Variants in ENPP3 observed in about 807,000 individuals in gnomAD.
The protein encoded by ENPP3 is ectonucleotide pyrophosphatase/phosphodiesterase family member 3.
In ENPP3, 104 loss-of-function variants were observed where a neutral mutation model predicts 117.8. The observed-to-expected ratio is 0.88, with a 90% CI of 0.75 to 1.04. The LOEUF (loss-of-function observed/expected upper bound fraction) is 1.04, where lower values mean the gene tolerates loss of function less well. ENPP3 is among the 50% of genes least tolerant of loss of function. The probability of loss-of-function intolerance (pLI) is 0.00; values close to 1 mark genes in which losing one functional copy is unlikely to be tolerated. For synonymous variants in ENPP3, 380 were observed against 349.9 expected, an observed-to-expected ratio of 1.09 and a Z score of -0.96; for missense variants, 1,026 against 1,051.9, an observed-to-expected ratio of 0.98 and a Z score of 0.34.
chr6:131,737,218 A>G, intron 21 of ENPP3, 137 bp from the exon 22 acceptor site: 1 of 575,320 alleles, frequency 1.7e-6, no homozygotes, highest in Non-Finnish European at 3.0e-6. Context: ...ATTATTAACA[A>G]CCTCTGTTAG....
chr6:131,747,002 T>C lies in ENPP3; in HGVS notation c.*46T>C. ...ATATAATTTACTGTATAAAGTAATT[T>C]TGGCAAAATATAAGTGATTTTTTTC... On this transcript the variant is annotated 3_prime_UTR_variant, in exon 25 of 25. Coordinates refer to ENST00000357639, the MANE Select transcript of ENPP3 (RefSeq NM_005021.5). 1.8e-6 allele frequency: 2 copies of C among 1,118,250 alleles called. No homozygotes were observed. Among genetic ancestry groups the C allele is most frequent in the Non-Finnish European group, 1.2e-6 (1 of 825,200 alleles). 69.3% of individuals were successfully genotyped at this position (1,118,250 alleles called of 1,614,324 possible). A position where few individuals can be genotyped will look rare whatever the true frequency, so the allele number is the denominator to read the frequency against.
At chr6:131,637,964 T>A (rs528939980) in intron 1 of ENPP3, among the ~76,000 whole-genome samples, 1 of 151,786 alleles carries the variant, frequency 6.6e-6, no homozygotes, top group South Asian at 2.1e-4. Context: ...TTTATTTTCT[T>A]TTTTCTTTTT....
intron 16 of ENPP3, 104 bp from the exon 17 acceptor site, chr6:131,720,188 T>A: frequency 1.5e-6 from 1 of 658,264 alleles, no homozygotes; most frequent in Non-Finnish European, 2.6e-6. Context: ...AGAGGCCTAA[T>A]ACAAATAGGA....
chr6:131,655,029 A>C, intron 5 of ENPP3, among the ~76,000 whole-genome samples: 1 of 152,362 alleles, frequency 6.6e-6, no homozygotes, highest in East Asian at 1.9e-4. Context: ...ACCTAAAGCG[A>C]GGGAATATGC....
intron 14 of ENPP3, among the ~76,000 whole-genome samples, chr6:131,689,486 C>A (rs1451296360): frequency 6.6e-6 from 1 of 152,122 alleles, no homozygotes; most frequent in Non-Finnish European, 1.5e-5. Flanking sequence ...TTTATAGCAT[C>A]CGTTTCCTGA....
intron 24 of ENPP3, among the ~76,000 whole-genome samples, 153 bp downstream of exon 24, chr6:131,740,533 G>A (rs554282454): frequency 7.9e-4 from 120 of 151,974 alleles, no homozygotes; most frequent in African/African-American, 2.7e-3. Flanking sequence ...TTTTCCTTAG[G>A]CTATTGATCT....
At chr6:131,658,511 G>A (rs775865494) in intron 6 of ENPP3, 91 bp downstream of exon 6, 112 of 722,366 alleles carry the variant, frequency 1.6e-4, no homozygotes, top group Non-Finnish European at 2.4e-4. Context: ...GACTTTTAAC[G>A]CTGGTGGTTT....
In ENPP3 at chr6:131,675,328, A is replaced by T. The variant is rs945083302; in HGVS notation, c.872+139A>T. Reference sequence around the variant, plus strand: ...GAATCACCATTGATTCCTTTCCTTTATGTCACTCAAGCAGTCTCTCAGTAA... The same window carrying T: ...GAATCACCATTGATTCCTTTCCTTTTTGTCACTCAAGCAGTCTCTCAGTAA... On this transcript the variant is annotated intron_variant, in intron 9 of 24. Coordinates refer to ENST00000357639, the MANE Select transcript of ENPP3 (RefSeq NM_005021.5). 1.5e-5 allele frequency: 9 copies of T among 610,884 alleles called. No homozygotes were observed. In the African/African-American group the frequency reaches 1.5e-4, roughly 10 times the overall value. 37.8% of individuals were successfully genotyped at this position (610,884 alleles called of 1,614,324 possible). A position where few individuals can be genotyped will look rare whatever the true frequency, so the allele number is the denominator to read the frequency against.
At chr6:131,696,860 C>T (rs3778570) in intron 15 of ENPP3, among the ~76,000 whole-genome samples, 34,737 of 150,540 alleles carry the variant, frequency 0.23, 5,793 homozygotes, top group African/African-American at 0.46. Context: ...AGCTCCGCCT[C>T]CCAGGTTCAT....
At chr6:131,720,910 A>G (rs1232142513) in intron 17 of ENPP3, among the ~76,000 whole-genome samples, 1 of 152,156 alleles carries the variant, frequency 6.6e-6, no homozygotes, top group African/African-American at 2.4e-5. Flanking sequence ...TAGATCTCAG[A>G]AGACCAACCT....
At position 131,677,958 on chromosome 6, in the gene ENPP3, T is replaced by TAA; in HGVS notation, c.1011+21_1011+22dup. On this transcript the variant is annotated intron_variant, in intron 11 of 24. Transcript: ENST00000357639. ...GTGCCAGAGTAAGTTGTTGTTTTCT[T>TAA]AAAAGAAAAAAAAAAATGTAAAATC... 6.6e-7 allele frequency: 1 copy of TAA among 1,519,338 alleles called. No homozygotes were observed. Among genetic ancestry groups the TAA allele is most frequent in the African/African-American group, 1.4e-5 (1 of 69,400 alleles). 94.1% of individuals were successfully genotyped at this position (1,519,338 alleles called of 1,614,324 possible).
chr6:131,725,567 T>A (rs935002764), intron 19 of ENPP3, among the ~76,000 whole-genome samples: 1 of 152,198 alleles, frequency 6.6e-6, no homozygotes, highest in African/African-American at 2.4e-5. Context: ...AGGATTTCAA[T>A]GTATACGTTT....
chr6:131,702,168 G>A (rs1327746530), intron 15 of ENPP3, among the ~76,000 whole-genome samples: 1 of 152,044 alleles, frequency 6.6e-6, no homozygotes, highest in Non-Finnish European at 1.5e-5. Flanking sequence ...GTTTTTCTCT[G>A]TTATGTTTCA....
intron 16 of ENPP3, 120 bp from the exon 17 acceptor site, chr6:131,720,172 C>G: frequency 3.6e-6 from 2 of 560,608 alleles, no homozygotes; most frequent in Non-Finnish European, 6.3e-6. Context: ...AAAAAAAATT[C>G]CTTACAGAGG....
chr6:131,675,846 G>GAATAAAATAAAATTA (rs1778856547), intron 9 of ENPP3, among the ~76,000 whole-genome samples: 1 of 151,952 alleles, frequency 6.6e-6, no homozygotes, highest in African/African-American at 2.4e-5. Context: ...CGTCTCAAAT[G>GAATAAAATAAAATTA]AATAAAATAA....
chr6:131,740,672 T>G (rs1780510464), intron 24 of ENPP3, among the ~76,000 whole-genome samples: 1 of 152,180 alleles, frequency 6.6e-6, no homozygotes, highest in African/African-American at 2.4e-5. Context: ...GTTAATCTCT[T>G]TTTTCTTTTT....
chr6:131,680,353 A>G (rs1455560771), intron 11 of ENPP3, among the ~76,000 whole-genome samples: 4 of 152,200 alleles, frequency 2.6e-5, no homozygotes, highest in Non-Finnish European at 5.9e-5. Flanking sequence ...TTATATTAAT[A>G]AGACTGCTAA....
At chr6:131,735,625 A>T (rs1780380233) in intron 21 of ENPP3, among the ~76,000 whole-genome samples, 1 of 152,164 alleles carries the variant, frequency 6.6e-6, no homozygotes, top group South Asian at 2.1e-4. Context: ...TAAGATATCC[A>T]AGTACAGTTT....
At position 131,658,765 on chromosome 6, in the gene ENPP3, G is replaced by A. The variant is rs958568933; in HGVS notation, c.562+345G>A. On this transcript the variant is annotated intron_variant, in intron 6 of 24. Coordinates refer to ENST00000357639, the MANE Select transcript of ENPP3 (RefSeq NM_005021.5). ...TGGGCCTTAGCAAGGAGAATATAGCGAGAACCGGATCCTGAAGGAGCCTGG... is the reference window on the plus strand; with the variant it reads ...TGGGCCTTAGCAAGGAGAATATAGCAAGAACCGGATCCTGAAGGAGCCTGG... 3.9e-5 allele frequency among the ~76,000 whole-genome samples: 6 copies of A among 152,292 alleles called. No individual in the cohort carries two copies. In the South Asian group the frequency reaches 8.3e-4, roughly 21 times the overall value.
Sources: gnomAD v4.1 joint callset for allele counts (sites outside exome capture counted in the v4.1 genomes callset) on GRCh38, gnomAD v4.1.1 for gene constraint, MANE v1.5 for transcripts, NCBI Gene and HGNC (gene_info 2026-07-23, HGNC 2026-07-21) for gene names.